Variants in FHIP2B observed in about 807,000 individuals in gnomAD.
FHIP2B encodes FHF complex subunit HOOK interacting protein 2B, also known as FHF complex subunit HOOK-interacting protein 2B.
In FHIP2B, 72 loss-of-function variants were observed where a neutral mutation model predicts 84.0. The observed-to-expected ratio is 0.86, with a 90% confidence interval of 0.71 to 1.04. FHIP2B has a LOEUF of 1.04. Among genes scored for constraint, FHIP2B ranks in the 50% least tolerant of loss-of-function variants. FHIP2B has a pLI of 0.00. For missense variants in FHIP2B, 972 were observed against 968.9 expected (o/e 1.00, Z -0.04); for synonymous variants, 497 against 418.7 (o/e 1.19, Z -2.28).
Position 22,098,050 on chromosome 8 carries a change from A to C in FHIP2B, c.526-18A>C. ...AGTGGTCCCCACCAGGTCTGGCCTCATCTCACCCTCTTTTCAGGGTAAAAA... is the reference window on the plus strand; with the variant it reads ...AGTGGTCCCCACCAGGTCTGGCCTCCTCTCACCCTCTTTTCAGGGTAAAAA... On this transcript the variant is annotated intron_variant, in intron 5 of 16. Coordinates refer to ENST00000289921, the MANE Select transcript of FHIP2B (RefSeq NM_022749.7). 1.3e-6 allele frequency: 2 copies of C among 1,582,932 alleles called. No homozygotes were observed. Among genetic ancestry groups the C allele is most frequent in the Non-Finnish European group, 1.7e-6 (2 of 1,163,966 alleles).
In FHIP2B at chr8:22,101,936, C is replaced by T. The variant is rs1563603137; in HGVS notation, c.1851+85C>T. Reference sequence around the variant, plus strand: ...GCAGAGGTTGGCCACAGGGTTGCCTCTGCTTCGGTTCTTTGGTGCCACCCC... The same window carrying T: ...GCAGAGGTTGGCCACAGGGTTGCCTTTGCTTCGGTTCTTTGGTGCCACCCC... On this transcript the variant is annotated intron_variant, in intron 14 of 16. Transcript: ENST00000289921. 3.2e-6 allele frequency: 5 copies of T among 1,540,060 alleles called. No individual in the cohort carries two copies. The South Asian group carries it at 6.1e-5, about 19-fold the overall frequency.
chr8:22,089,321 G>C, intron 1 of FHIP2B, 23 bp downstream of exon 1: 1 of 1,004,644 alleles, frequency 1.0e-6, no homozygotes, highest in Non-Finnish European at 1.2e-6. Context: ...GGGCCGGGCC[G>C]GGCCGCCGGG....
At position 22,101,761 on chromosome 8, in the gene FHIP2B, A is replaced by G; in HGVS notation, c.1761A>G (p.Thr587=). ...VASWGWPLTP[T]PLDPHEPERP... ...CCTGGGGCTGGCCTCTGACCCCCAC[A>G]CCTTTGGACCCCCATGAGCCCGAGC... The change falls in exon 14 of 17, where the codon ACA becomes ACG. Residue 587 remains threonine, a synonymous_variant. Coordinates refer to ENST00000289921, the MANE Select transcript of FHIP2B (RefSeq NM_022749.7). 1.2e-6 allele frequency: 2 copies of G among 1,612,852 alleles called. No individual in the cohort carries two copies. The highest frequency in any genetic ancestry group is 2.2e-5 in the South Asian group (2 of 90,966).
rs1036033873 is a variant in FHIP2B at position 22,096,331 on chromosome 8, C to G, written c.125-6C>G. 27 of 1,547,116 alleles carry G rather than the reference C, an allele frequency of 1.7e-5. No homozygotes were observed. Among genetic ancestry groups the G allele is most frequent in the Non-Finnish European group, 2.4e-5 (27 of 1,144,496 alleles). On this transcript the variant is annotated splice_polypyrimidine_tract_variant and splice_region_variant and intron_variant, in intron 2 of 16. Transcript: ENST00000289921. ...CTACTCACCCTTGTTTCCCAAACAT[C>G]ATTAGATGAAAGCACCCCCGCCAAG...
intron 1 of FHIP2B, among the ~76,000 whole-genome samples, chr8:22,090,774 G>A (rs779730155): frequency 3.4e-4 from 52 of 152,178 alleles, no homozygotes; most frequent in South Asian, 6.2e-4. Flanking sequence ...ACAGGCATGC[G>A]GCACCACGCC....
At chr8:22,089,333 G>C (rs1267542260) in intron 1 of FHIP2B, 35 bp downstream of exon 1, 18 of 992,350 alleles carry the variant, frequency 1.8e-5, no homozygotes, top group South Asian at 4.5e-5. Flanking sequence ...GCCGCCGGGA[G>C]TCGCGGGCCT....
In FHIP2B at chr8:22,102,810, T is replaced by C. The variant is rs1238917553; in HGVS notation, c.2111T>C (p.Leu704Pro). The C allele has an allele frequency of 6.2e-7, 1 of 1,613,192 alleles. No homozygotes were observed. Among genetic ancestry groups the C allele is most frequent in the Non-Finnish European group, 8.5e-7 (1 of 1,179,746 alleles). The change falls in exon 17 of 17, where the codon CTC becomes CCC. Residue 704 changes from leucine to proline, a missense_variant. Leu to Pro is a moderately conservative substitution (Grantham distance 98, BLOSUM62 -3). Coordinates refer to ENST00000289921, the MANE Select transcript of FHIP2B (RefSeq NM_022749.7). The stretch of plus-strand genomic sequence containing the variant: ...CCCCTCAGGCTGGACCACCAGACCC[T>C]CCTCCAGGGCGTGGTGGTGCTGGAG... The part of the protein sequence containing the change: ...APGEQLDHQT[L>P]LQGVVVLEEF...
intron 1 of FHIP2B, chr8:22,089,653 C>A: frequency 1.5e-6 from 1 of 657,518 alleles, no homozygotes; most frequent in Non-Finnish European, 2.2e-6. Context: ...GGGCCCTAGG[C>A]CGCCTCCCCC....
intron 3 of FHIP2B, 74 bp from the exon 4 acceptor site, chr8:22,097,442 C>T (rs368507907): frequency 2.4e-5 from 32 of 1,359,906 alleles, no homozygotes; most frequent in Middle Eastern, 5.0e-4. Flanking sequence ...CGCTCTGTCC[C>T]TGGCCTCAGT....
intron 10 of FHIP2B, 111 bp downstream of exon 10, chr8:22,100,004 C>G (rs1826016999): frequency 1.7e-6 from 2 of 1,145,616 alleles, no homozygotes; most frequent in Middle Eastern, 2.0e-4. Context: ...CTTTGAGACA[C>G]TGAACTGCAA....
chr8:22,099,040 T>C lies in FHIP2B; in HGVS notation c.1058T>C (p.Ile353Thr). The change falls in exon 8 of 17, where the codon ATC becomes ACC. Residue 353 changes from isoleucine (I) to threonine (T), a missense_variant. Physicochemically the swap from Ile to Thr is moderately conservative, Grantham distance 89. Transcript: ENST00000289921. ...TGGTTTGATTACTGCGACCACCTCA[T>C]CACAGAGGCACACACGGTGAGCAGG... The part of the protein sequence containing the change: ...LGWFDYCDHL[I>T]TEAHTVVADA... 6.2e-7 allele frequency: 1 copy of C among 1,603,176 alleles called. No homozygotes were observed. Among genetic ancestry groups the C allele is most frequent in the South Asian group, 1.1e-5 (1 of 88,838 alleles).
intron 1 of FHIP2B, among the ~76,000 whole-genome samples, chr8:22,093,706 G>GGCTTTT (rs1825614115): frequency 5.5e-5 from 2 of 36,212 alleles, no homozygotes; most frequent in African/African-American, 1.3e-4. Context: ...GAAAAGCTTT[G>GGCTTTT]TCTTTTTTTT....
At chr8:22,096,285 GCCGGGGTGCCC>G in intron 2 of FHIP2B, 41 bp from the exon 3 acceptor site, 1 of 1,449,432 alleles carries the variant, frequency 6.9e-7, no homozygotes, top group Non-Finnish European at 9.2e-7. Flanking sequence ...AAGTTTTCAA[GCCGGGGTGCCC>G]CTCTTTACCC....
intron 5 of FHIP2B, 37 bp from the exon 6 acceptor site, chr8:22,098,031 C>A: frequency 6.4e-7 from 1 of 1,552,436 alleles, no homozygotes; most frequent in South Asian, 1.2e-5. Flanking sequence ...GGGAAGTGGT[C>A]CCCACCAGGT....
At chr8:22,097,193 A>C in intron 3 of FHIP2B, 4 of 404,842 alleles carry the variant, frequency 9.9e-6, no homozygotes, top group East Asian at 8.4e-5. Flanking sequence ...CAACGTGGCA[A>C]GGGAAGCAGG....
At chr8:22,091,240 CTTTTTT>C (rs71204535) in intron 1 of FHIP2B, among the ~76,000 whole-genome samples, 2 of 117,710 alleles carry the variant, frequency 1.7e-5, no homozygotes, top group African/African-American at 6.1e-5. Context: ...ATCATTACAG[CTTTTTT>C]TTTTTTTTTT....
At chr8:22,091,105 T>C (rs1825467501) in intron 1 of FHIP2B, among the ~76,000 whole-genome samples, 1 of 152,132 alleles carries the variant, frequency 6.6e-6, no homozygotes, top group Non-Finnish European at 1.5e-5. Flanking sequence ...TGCTCTACCC[T>C]CAGGTCGCCA....
rs1393190597 is a variant in FHIP2B, at chr8:22,100,666, G to A, written c.1414G>A (p.Val472Ile). ...CCACGAGGGGATCATCCACAGCCTG[G>A]TCCTGCGCAACCTTGAGGGCCGCCC... The part of the protein sequence containing the change: ...KPHEGIIHSL[V>I]LRNLEGRPYV... The change falls in exon 11 of 17, where the codon GTC (valine) becomes ATC (isoleucine). Residue 472 changes from valine to isoleucine, a missense_variant. Coordinates refer to ENST00000289921, the MANE Select transcript of FHIP2B (RefSeq NM_022749.7). 6.2e-7 allele frequency: 1 copy of A among 1,607,262 alleles called. No individual in the cohort carries two copies. Among genetic ancestry groups the A allele is most frequent in the Non-Finnish European group, 8.5e-7 (1 of 1,176,316 alleles).
rs372276562 is a variant in FHIP2B, at chr8:22,100,989, G to A, written c.1616+17G>A. 1.2e-6 allele frequency: 2 copies of A among 1,612,786 alleles called. No homozygotes were observed. The highest frequency in any genetic ancestry group is 2.7e-5 in the African/African-American group (2 of 74,868). On this transcript the variant is annotated intron_variant, in intron 12 of 16. Transcript: ENST00000289921. ...CGTCAACAGGTGGGGAGCAAGTTAG[G>A]CAGTCTGAACCACTTGAGTTTTATT...
Sources: allele counts gnomAD v4.1 joint callset (sites outside exome capture counted in the v4.1 genomes callset), GRCh38; gene constraint gnomAD v4.1.1; transcripts MANE v1.5; gene names NCBI Gene and HGNC (gene_info 2026-07-23, HGNC 2026-07-21).